CCHCR1: variants seen among roughly 807,000 people sequenced by gnomAD.
The protein encoded by CCHCR1 is coiled-coil alpha-helical rod protein 1.
A neutral mutation model predicts 114.6 loss-of-function variants in CCHCR1; 91 were observed. The ratio of observed to expected loss-of-function variants is 0.79; its 90% CI spans 0.67 to 0.94. CCHCR1 has a LOEUF of 0.94. Ranked by LOEUF, CCHCR1 falls within the 40% of genes least tolerant of loss-of-function variation. The probability of loss-of-function intolerance (pLI) is 0.00; values close to 1 mark genes in which losing one functional copy is unlikely to be tolerated. For synonymous variants in CCHCR1, 379 were observed against 428.5 expected, an observed-to-expected ratio of 0.88 and a Z score of 1.43; for missense variants, 899 against 1,079.9, an observed-to-expected ratio of 0.83 and a Z score of 2.35.
chr6:31,144,204 C>CT lies in CCHCR1; in HGVS notation c.2167+482dup, dbSNP rs901274715. On this transcript the variant is annotated intron_variant, in intron 15 of 17. Transcript: ENST00000396268. The surrounding 1 kb of genome is among the most constrained non-coding windows in gnomAD (Gnocchi z 4.6). ...GAGAAGATACATTCATTACACAATTCTTTTTTTGACACATGGTCTTTCTCT... is the reference window on the plus strand; with the variant it reads ...GAGAAGATACATTCATTACACAATTCTTTTTTTTGACACATGGTCTTTCTCT... Among the ~76,000 whole-genome samples the CT allele has an allele frequency of 1.3e-5, 2 of 152,040 alleles. No homozygotes were observed. The highest frequency in any genetic ancestry group is 4.8e-5 in the African/African-American group (2 of 41,396).
Position 31,150,544 on chromosome 6 carries a change from T to C in CCHCR1, c.1123A>G (p.Ser375Gly). ...AGCAGCTCCGCGGTGGCATGCAGGC[T>C]GTCCCGGTCCTCCTGCAAGTGCTGC... ...TMQHLQEDRDSLHATAELLQV... is the reference protein window; with the variant it reads ...TMQHLQEDRDGLHATAELLQV... Residue 375 changes from serine (S) to glycine (G), a missense_variant, in exon 7 of 18, where the codon AGC becomes GGC. By Grantham distance (56) the Ser-to-Gly change is moderately conservative. Coordinates refer to ENST00000396268, the MANE Select transcript of CCHCR1 (RefSeq NM_001105564.2). This position sits in a 1 kb window ranked among gnomAD's most constrained non-coding sequence, Gnocchi z 5.3. 6.2e-7 allele frequency: 1 copy of C among 1,612,158 alleles called. No homozygotes were observed. Among genetic ancestry groups the C allele is most frequent in the South Asian group, 1.1e-5 (1 of 91,032 alleles).
rs762399407 is a variant in CCHCR1 at position 31,150,981 on chromosome 6, C to T, written c.943G>A (p.Glu315Lys). ...TACCTCAGCTGCTTCCGAAGCAGCT[C>T]GGCCTCCCTCTGAGCCTCGGCCAGC... ...KELAEAQREAELLRKQLSKTQ... is the reference protein window; with the variant it reads ...KELAEAQREAKLLRKQLSKTQ... The change falls in exon 5 of 18, where the codon GAG becomes AAG. Residue 315 changes from glutamate (E) to lysine (K), a missense_variant. By Grantham distance (56) the Glu-to-Lys change is moderately conservative. Transcript: ENST00000396268. The surrounding 1 kb of genome is among the most constrained non-coding windows in gnomAD (Gnocchi z 5.3). 1.9e-6 allele frequency: 3 copies of T among 1,612,752 alleles called. No individual in the cohort carries two copies. The highest frequency in any genetic ancestry group is 1.3e-5 in the African/African-American group (1 of 74,920).
At chr6:31,157,951 C>G, upstream of CCHCR1, 1 of 341,214 alleles carries the variant, frequency 2.9e-6, no homozygotes, top group South Asian at 3.4e-5. Context: ...GCCCTCGCCC[C>G]CTGTACGCTA....
intron 4 of CCHCR1, among the ~76,000 whole-genome samples, chr6:31,152,281 C>CA (rs9281230): frequency 0.15 from 18,873 of 123,868 alleles, 1,590 homozygotes; most frequent in Non-Finnish European, 0.17. Flanking sequence ...GACTCCATCT[C>CA]AAAAAAAAAA....
chr6:31,147,421 A>G (rs1463214160), intron 10 of CCHCR1, among the ~76,000 whole-genome samples: 1 of 130,200 alleles, frequency 7.7e-6, no homozygotes. Flanking sequence ...AAAAAAAAAA[A>G]AGAACTACCT....
rs944114849 is a variant in CCHCR1, at chr6:31,154,983, A to G, written c.498-184T>C. On this transcript the variant is annotated intron_variant, in intron 3 of 17. Transcript: ENST00000396268. This position sits in a 1 kb window ranked among gnomAD's most constrained non-coding sequence, Gnocchi z 4.1. ...CATCATCATCATTCATCAAAGCCCTATTGAGCATGTTGAGTCCAGTGCCTG... is the reference window on the plus strand; with the variant it reads ...CATCATCATCATTCATCAAAGCCCTGTTGAGCATGTTGAGTCCAGTGCCTG... 6.6e-6 allele frequency among the ~76,000 whole-genome samples: 1 copy of G among 152,118 alleles called. No individual in the cohort carries two copies. The highest frequency in any genetic ancestry group is 6.5e-5 in the Admixed American group (1 of 15,272).
chr6:31,148,857 GC>G, intron 8 of CCHCR1, 129 bp from the exon 9 acceptor site: 2 of 84,500 alleles, frequency 2.4e-5, no homozygotes, highest in Non-Finnish European at 2.4e-5. Flanking sequence ...GGGGGGGCGG[GC>G]GACGGGGGTG....
chr6:31,145,518 A>G, intron 11 of CCHCR1, 25 bp from the exon 12 acceptor site: 1 of 1,612,866 alleles, frequency 6.2e-7, no homozygotes, highest in Non-Finnish European at 8.5e-7. Context: ...GCAGGGAGAA[A>G]AAGAGATGAA....
Position 31,145,502 on chromosome 6 carries a change from G to A in CCHCR1, c.1694-9C>T. On this transcript the variant is annotated splice_polypyrimidine_tract_variant and intron_variant, in intron 11 of 17. Transcript: ENST00000396268. The stretch of plus-strand genomic sequence containing the variant: ...CTTTCGAGCAATCAGGCCTGGAGGG[G>A]AAAAAGCAGGGAGAAAAAGAGATGA... The A allele has an allele frequency of 6.2e-7, 1 of 1,613,088 alleles. No individual in the cohort carries two copies. Among genetic ancestry groups the A allele is most frequent in the Non-Finnish European group, 8.5e-7 (1 of 1,179,262 alleles).
Position 31,156,717 on chromosome 6 carries a change from G to A in CCHCR1, c.497+14C>T. ...GCAAGCAAGCCTGAGAAAACGGCGT[G>A]GATGGATCCCTACCTGCCTCTCCGC... On this transcript the variant is annotated intron_variant, in intron 3 of 17. Coordinates refer to ENST00000396268, the MANE Select transcript of CCHCR1 (RefSeq NM_001105564.2). 1.2e-6 allele frequency: 2 copies of A among 1,603,578 alleles called. No individual in the cohort carries two copies. Among genetic ancestry groups the A allele is most frequent in the East Asian group, 2.2e-5 (1 of 44,848 alleles).
At position 31,144,344 on chromosome 6, in the gene CCHCR1, A is replaced by G. The variant is rs559515848; in HGVS notation, c.2167+343T>C. 5.0e-4 allele frequency among the ~76,000 whole-genome samples: 76 copies of G among 152,144 alleles called. No homozygotes were observed. The highest frequency in any genetic ancestry group is 1.5e-3 in the African/African-American group (64 of 41,526). On this transcript the variant is annotated intron_variant, in intron 15 of 17. Transcript: ENST00000396268. The surrounding 1 kb of genome is among the most constrained non-coding windows in gnomAD (Gnocchi z 4.6). ...AAGTAAGCTTGGGGTACAGGTGCCC[A>G]CCACCAGGCCTAGCTAATTTTTGTA...
rs750057565 is a variant in CCHCR1 at position 31,156,656 on chromosome 6, G to A, written c.497+75C>T. On this transcript the variant is annotated intron_variant, in intron 3 of 17. Coordinates refer to ENST00000396268, the MANE Select transcript of CCHCR1 (RefSeq NM_001105564.2). ...CGTTCTGGAAACTAGGGCCGAAATA[G>A]GGTAAGGAGTTTATTCCAGTGAGGA... 47 of 1,283,352 alleles carry A rather than the reference G, an allele frequency of 3.7e-5. 1 individual carries two copies. The highest frequency in any genetic ancestry group is 4.7e-5 in the Non-Finnish European group (43 of 905,818). 79.5% of individuals were successfully genotyped at this position (1,283,352 alleles called of 1,614,324 possible).
At chr6:31,157,806 C>T (rs756592121), upstream of CCHCR1, 2 of 574,482 alleles carry the variant, frequency 3.5e-6, no homozygotes, top group Non-Finnish European at 6.1e-6. Context: ...ATCTTCCTCC[C>T]ACCCTCCCAC....
In CCHCR1 at chr6:31,145,681, A is replaced by T; in HGVS notation, c.1693+15T>A. On this transcript the variant is annotated intron_variant, in intron 11 of 17. Transcript: ENST00000396268. The stretch of plus-strand genomic sequence containing the variant: ...GGGGTGGGGGCAGGACGTGGCTCGC[A>T]GTTGTCCTACGCACCCCGAATGGTG... 6.3e-7 allele frequency: 1 copy of T among 1,592,592 alleles called. No individual in the cohort carries two copies. The highest frequency in any genetic ancestry group is 2.2e-5 in the East Asian group (1 of 44,760).
rs1188284285 is a variant in CCHCR1, at chr6:31,143,127, A to G, written c.2327T>C (p.Leu776Ser). Residue 776 changes from leucine (L) to serine (S), a missense_variant, in exon 17 of 18, where the codon TTG (leucine) becomes TCG (serine). Leu to Ser is a moderately radical substitution (Grantham distance 145). Transcript: ENST00000396268. This position sits in a 1 kb window ranked among gnomAD's most constrained non-coding sequence, Gnocchi z 5.3. ...ACGGGAGAGGAGACCTTCCTGCTGC[A>G]AGGTGGCCTGGGAAGGAGAGGGTTA... ...ERDKNLMLAT[L>S]QQEGLLSRYK... is the part of the protein sequence containing the mutation. The G allele has an allele frequency of 6.2e-7, 1 of 1,612,822 alleles. No homozygotes were observed. The highest frequency in any genetic ancestry group is 1.1e-5 in the South Asian group (1 of 91,060).
At chr6:31,156,387 C>G in intron 3 of CCHCR1, 1 of 314,286 alleles carries the variant, frequency 3.2e-6, no homozygotes, top group Non-Finnish European at 5.8e-6. Flanking sequence ...TCAGAATGAA[C>G]CCACACTGCC....
chr6:31,148,870 G>T, intron 8 of CCHCR1, 142 bp from the exon 9 acceptor site: 1 of 403,644 alleles, frequency 2.5e-6, no homozygotes, highest in Non-Finnish European at 4.6e-6. Context: ...ACGGGGGTGG[G>T]TTGCAGCACG....
At chr6:31,146,206 A>G (rs1025070379) in intron 10 of CCHCR1, among the ~76,000 whole-genome samples, 1 of 152,064 alleles carries the variant, frequency 6.6e-6, no homozygotes, top group African/African-American at 2.4e-5. Context: ...TTAGCCGGGC[A>G]TGGTGGCTCA....
rs1477178060 is a variant in CCHCR1 at position 31,151,280 on chromosome 6, C to T, written c.802-158G>A. ...GCTGGCAACTCACTCTCCGCAGCTGCCCCACAACCCATCAGGAGTTCTTGT... is the reference window on the plus strand; with the variant it reads ...GCTGGCAACTCACTCTCCGCAGCTGTCCCACAACCCATCAGGAGTTCTTGT... On this transcript the variant is annotated intron_variant, in intron 4 of 17. Transcript: ENST00000396268. This position sits in a 1 kb window ranked among gnomAD's most constrained non-coding sequence, Gnocchi z 4.1. Among the ~76,000 whole-genome samples the T allele has an allele frequency of 6.6e-6, 1 of 152,194 alleles. No homozygotes were observed. The highest frequency in any genetic ancestry group is 2.4e-5 in the African/African-American group (1 of 41,444).
Sources: allele counts gnomAD v4.1 joint callset (sites outside exome capture counted in the v4.1 genomes callset), GRCh38; gene constraint gnomAD v4.1.1; non-coding constraint Gnocchi (gnomAD v3.1); transcripts MANE v1.5; gene names NCBI Gene and HGNC (gene_info 2026-07-23, HGNC 2026-07-21).